BRD7: variants seen among roughly 807,000 people sequenced by gnomAD.
BRD7 encodes the protein bromodomain-containing protein 7.
Under a neutral mutation model 82.1 loss-of-function variants are expected in BRD7, and 15 were observed. That is an observed-to-expected ratio of 0.18 (90% CI 0.12 to 0.28). The LOEUF (loss-of-function observed/expected upper bound fraction) is 0.28. Ranked by LOEUF, BRD7 falls within the 10% of genes least tolerant of loss-of-function variation. The pLI, the probability that BRD7 is intolerant of heterozygous loss-of-function variation, is 1.00. For missense variants in BRD7, 638 were observed against 779.9 expected, an observed-to-expected ratio of 0.82 and a Z score of 2.17; for synonymous variants, 232 against 266.9, an observed-to-expected ratio of 0.87 and a Z score of 1.27.
chr16:50,349,928 ATT>A, intron 5 of BRD7, 93 bp downstream of exon 5: 1 of 1,195,344 alleles, frequency 8.4e-7, no homozygotes, highest in Non-Finnish European at 1.1e-6. Flanking sequence ...AATAAACTCA[ATT>A]CTTTGCAAAA....
intron 5 of BRD7, among the ~76,000 whole-genome samples, chr16:50,340,697 A>G (rs563443855): frequency 2.0e-5 from 3 of 152,342 alleles, no homozygotes; most frequent in Admixed American, 2.0e-4. Flanking sequence ...GCCAATGTGA[A>G]ATAAACCATA....
intron 5 of BRD7, among the ~76,000 whole-genome samples, chr16:50,343,425 A>G (rs1208847878): frequency 6.6e-6 from 1 of 152,194 alleles, no homozygotes; most frequent in East Asian, 1.9e-4. Flanking sequence ...TGCATTTCCA[A>G]CTGAGGTACT....
At chr16:50,339,360 T>TCAGA (rs1298244401) in intron 6 of BRD7, among the ~76,000 whole-genome samples, 1 of 152,222 alleles carries the variant, frequency 6.6e-6, no homozygotes, top group Non-Finnish European at 1.5e-5. Flanking sequence ...GTATAGCCTA[T>TCAGA]CAGACACCTG....
In BRD7 at chr16:50,354,929, G is replaced by A. The variant is rs771382225; in HGVS notation, c.259-7C>T. ...CTCGCTTCTTTTTATCCTCCTAAAT[G>A]GAACAAAGGGAGATAATTTAGAAAT... On this transcript the variant is annotated splice_polypyrimidine_tract_variant and splice_region_variant and intron_variant, in intron 2 of 16. Transcript: ENST00000394688. 1.4e-5 allele frequency: 22 copies of A among 1,607,258 alleles called. No homozygotes were observed. Among genetic ancestry groups the A allele is most frequent in the Middle Eastern group, 1.7e-4 (1 of 6,046 alleles).
At position 50,319,944 on chromosome 16, in the gene BRD7, T is replaced by A. The variant is rs1888619383; in HGVS notation, c.1843A>T (p.Met615Leu). 6.2e-7 allele frequency: 1 copy of A among 1,612,768 alleles called. No individual in the cohort carries two copies. The highest frequency in any genetic ancestry group is 2.2e-5 in the East Asian group (1 of 44,890). Residue 615 changes from methionine to leucine, a missense_variant, in exon 16 of 17, where the codon ATG becomes TTG. Transcript: ENST00000394688. ...ACGGGGGAAGGAATGGAAATCCCCA[T>A]TGCTTTTCGAACTCCATACGTGCTT... ...IVSTYGVRKAMGISIPSPVME... is the reference protein window; with the variant it reads ...IVSTYGVRKALGISIPSPVME...
At chr16:50,337,963 A>C (rs1342114687) in intron 6 of BRD7, among the ~76,000 whole-genome samples, 1 of 152,180 alleles carries the variant, frequency 6.6e-6, no homozygotes, top group Non-Finnish European at 1.5e-5. Context: ...GCTTTCAACC[A>C]TTCCACACGC....
At chr16:50,349,514 T>C (rs1190518735) in intron 5 of BRD7, 5 of 468,598 alleles carry the variant, frequency 1.1e-5, no homozygotes, top group African/African-American at 8.0e-5. Flanking sequence ...CATGTTCCAG[T>C]ACGATTGTAA....
At position 50,317,308 on chromosome 16, in the gene BRD7, T is replaced by G. The variant is rs2036847398; in HGVS notation, c.*1903A>C. On this transcript the variant is annotated 3_prime_UTR_variant, in exon 17 of 17. Transcript: ENST00000394688. ...AGTTGCCTTTTTTACACACCAAAAC[T>G]TTTTACATGAAGGGCTGGTTTCACA... is the stretch of plus-strand genomic sequence containing the variant. 1 of 152,468 alleles carries G rather than the reference T, an allele frequency of 6.6e-6. No individual in the cohort carries two copies. The highest frequency in any genetic ancestry group is 1.5e-5 in the Non-Finnish European group (1 of 68,036). The allele number at this position is 152,468 out of a possible 1,614,324, so 9.4% of individuals were successfully genotyped here.
intron 2 of BRD7, among the ~76,000 whole-genome samples, chr16:50,357,896 G>A (rs184085355): frequency 4.6e-5 from 7 of 152,186 alleles, no homozygotes; most frequent in East Asian, 3.9e-4. Flanking sequence ...CAGGAGAATC[G>A]CTTGAACCCG....
Position 50,325,823 on chromosome 16 carries a change from G to A in BRD7, c.1256C>T (p.Ala419Val). ...ATCAGAATCATCCTTGCTGATATTT[G>A]CAAATGTGGAGTCATAATGCGGTGC... ...SYAPHYDSTF[A>V]NISKDDSDLI... The change falls in exon 11 of 17, where the codon GCA becomes GTA. Residue 419 changes from alanine (A) to valine (V), a missense_variant. Coordinates refer to ENST00000394688, the MANE Select transcript of BRD7 (RefSeq NM_013263.5). The A allele has an allele frequency of 6.2e-7, 1 of 1,612,208 alleles. No individual in the cohort carries two copies. The highest frequency in any genetic ancestry group is 8.5e-7 in the Non-Finnish European group (1 of 1,179,302).
At chr16:50,333,267 TAA>T (rs1258090653) in intron 8 of BRD7, among the ~76,000 whole-genome samples, 1 of 152,138 alleles carries the variant, frequency 6.6e-6, no homozygotes, top group South Asian at 2.1e-4. Flanking sequence ...AAAAATCCAG[TAA>T]AAGAGGGTAA....
At chr16:50,345,228 T>C (rs1394207358) in intron 5 of BRD7, among the ~76,000 whole-genome samples, 1 of 152,238 alleles carries the variant, frequency 6.6e-6, no homozygotes, top group Non-Finnish European at 1.5e-5. Flanking sequence ...TGACAGATTT[T>C]GTCATCACCA....
intron 4 of BRD7, among the ~76,000 whole-genome samples, chr16:50,354,139 G>T (rs1237939080): frequency 3.9e-5 from 6 of 152,176 alleles, no homozygotes; most frequent in Admixed American, 6.5e-5. Context: ...GGAAATATCT[G>T]TATTGTTTAT....
Position 50,327,859 on chromosome 16 carries a change from G to C in BRD7, c.1087+810C>G, listed in dbSNP as rs575876688. Among the ~76,000 whole-genome samples, 124 of 152,274 alleles carry C rather than the reference G, an allele frequency of 8.1e-4. 1 individual carries two copies. Among genetic ancestry groups the C allele is most frequent in the Middle Eastern group, 3.4e-3 (1 of 294 alleles). Reference sequence around the variant, plus strand: ...AAGGAAAAGGGACTCCTCTCTCTCTGTTTTGTTCTCTACTACACAGCTAGC... The same window carrying C: ...AAGGAAAAGGGACTCCTCTCTCTCTCTTTTGTTCTCTACTACACAGCTAGC... On this transcript the variant is annotated intron_variant, in intron 9 of 16. Coordinates refer to ENST00000394688, the MANE Select transcript of BRD7 (RefSeq NM_013263.5).
intron 2 of BRD7, among the ~76,000 whole-genome samples, chr16:50,358,458 T>C (rs945126138): frequency 2.1e-5 from 3 of 140,074 alleles, no homozygotes; most frequent in African/African-American, 8.1e-5. Context: ...ATTGCACCAC[T>C]GCACTCTAGC....
rs556847657 is a variant in BRD7 at position 50,347,916 on chromosome 16, A to T, written c.591+2107T>A. 5.6e-4 allele frequency among the ~76,000 whole-genome samples: 85 copies of T among 152,300 alleles called. 3 individuals are homozygous for T. The East Asian group carries it at 0.016, about 29-fold the overall frequency. On this transcript the variant is annotated intron_variant, in intron 5 of 16. Coordinates refer to ENST00000394688, the MANE Select transcript of BRD7 (RefSeq NM_013263.5). The stretch of plus-strand genomic sequence containing the variant: ...ACAGAATTGGAAAAAACTACTTTAA[A>T]GTTCATATGGAACCAAAAAAGAGCC...
Position 50,320,756 on chromosome 16 carries a change from G to A in BRD7, c.1519C>T (p.Pro507Ser), listed in dbSNP as rs1160433009. The A allele has an allele frequency of 2.5e-6, 4 of 1,613,784 alleles. No individual in the cohort carries two copies. Among genetic ancestry groups the A allele is most frequent in the Non-Finnish European group, 3.4e-6 (4 of 1,179,804 alleles). ...KEMEITEVEP[P>S]GRLDSSTQDR... ...TGAGTACTGGAGTCCAAACGCCCTG[G>A]TGGCTCTACTTCTGTAATCTGCTTC... The change falls in exon 14 of 17, where the codon CCA (proline) becomes TCA (serine). Residue 507 changes from proline (P) to serine (S), a missense_variant. Physicochemically the swap from Pro to Ser is moderately conservative, Grantham distance 74. This residue lies in a region of BRD7 where 402 missense variants were observed against 500.8 expected (regional missense o/e 0.80). Coordinates refer to ENST00000394688, the MANE Select transcript of BRD7 (RefSeq NM_013263.5).
In BRD7 at chr16:50,368,293, C is replaced by A; in HGVS notation, c.55G>T (p.Val19Leu). The A allele has an allele frequency of 6.2e-7, 1 of 1,612,472 alleles. No homozygotes were observed. ...AGGACCAGCTTCAAGGGCTTCTCTA[C>A]ATACTCTTAAAAAAAGAAAAGAAAA... ...KSDKHLYEEY[V>L]EKPLKLVLKV... The change falls in exon 2 of 17, where the codon GTA (valine) becomes TTA (leucine). Residue 19 changes from valine to leucine, a missense_variant. Physicochemically the swap from Val to Leu is conservative, Grantham distance 32 (BLOSUM62 1). Transcript: ENST00000394688.
At chr16:50,333,738 A>G (rs1567607865) in intron 7 of BRD7, 41 bp from the exon 8 acceptor site, 3 of 1,412,132 alleles carry the variant, frequency 2.1e-6, no homozygotes, top group East Asian at 2.3e-5. Flanking sequence ...AAAAACAAAG[A>G]TAAGTAAGAT....
Sources: gnomAD v4.1 joint callset for allele counts (sites outside exome capture counted in the v4.1 genomes callset) on GRCh38, gnomAD v4.1.1 for gene constraint, gnomAD v4.1.1 regional missense constraint, MANE v1.5 for transcripts, NCBI Gene and HGNC (gene_info 2026-07-23, HGNC 2026-07-21) for gene names.